The following DAB1 variants were observed in gnomAD, a reference collection of about 807,000 sequenced individuals.
The protein encoded by DAB1 is disabled homolog 1.
A neutral mutation model predicts 64.6 loss-of-function variants in DAB1; 15 were observed. That is an observed-to-expected ratio of 0.23 (90% CI 0.16 to 0.36). The LOEUF (loss-of-function observed/expected upper bound fraction) is 0.36. DAB1 is among the 10% of genes least tolerant of loss of function. DAB1 has a pLI of 1.00. For missense variants in DAB1, 596 were observed against 706.7 expected (o/e 0.84, Z 1.78); for synonymous variants, 235 against 251.9 (o/e 0.93, Z 0.64).
chr1:57,721,414 A>G (rs917523021), intron 6 of DAB1, among the ~76,000 whole-genome samples: 9 of 152,242 alleles, frequency 5.9e-5, no homozygotes, highest in Non-Finnish European at 8.8e-5. Flanking sequence ...CACCAAAAAC[A>G]TAGTTTACAC....
intron 6 of DAB1, among the ~76,000 whole-genome samples, chr1:57,810,683 G>C (rs1488957450): frequency 6.6e-6 from 1 of 152,090 alleles, no homozygotes; most frequent in South Asian, 2.1e-4. Context: ...CCAATACCAA[G>C]ATATGTTACC....
chr1:58,295,816 C>T lies in DAB1; in HGVS notation n.309+47536G>A, dbSNP rs374982852. Among the ~76,000 whole-genome samples the T allele has an allele frequency of 5.3e-5, 8 of 152,004 alleles. No homozygotes were observed. The South Asian group carries it at 6.2e-4, about 12-fold the overall frequency. On this transcript the variant is annotated intron_variant and non_coding_transcript_variant, in intron 4 of 20. Transcript: ENST00000485760. Reference sequence around the variant, plus strand: ...ATCAAAGGGGAGACAGTTGGCTGGGCGCAGTGGCTCATGCCTGTAATTCCA... The same window carrying T: ...ATCAAAGGGGAGACAGTTGGCTGGGTGCAGTGGCTCATGCCTGTAATTCCA...
At chr1:57,603,290 A>G (rs1645597394) in intron 7 of DAB1, among the ~76,000 whole-genome samples, 1 of 152,212 alleles carries the variant, frequency 6.6e-6, no homozygotes, top group Non-Finnish European at 1.5e-5. Flanking sequence ...TAGGTGGCAC[A>G]GTGCCTGTCA....
chr1:57,520,725 G>C (rs1297881994), intron 7 of DAB1, among the ~76,000 whole-genome samples: 1 of 151,906 alleles, frequency 6.6e-6, no homozygotes, highest in Non-Finnish European at 1.5e-5. Flanking sequence ...TCTTATTGAA[G>C]AGCTCACAAT....
intron 3 of DAB1, chr1:58,468,321 CTGTA>C (rs1323768741): frequency 1.3e-5 from 2 of 152,338 alleles, no homozygotes; most frequent in Non-Finnish European, 1.5e-5. Context: ...ATGTTACATA[CTGTA>C]TGTATCACTC....
intron 1 of DAB1, among the ~76,000 whole-genome samples, chr1:57,300,426 G>T (rs982649215): frequency 2.0e-4 from 30 of 152,302 alleles, no homozygotes; most frequent in African/African-American, 7.0e-4. Context: ...TAACAGGGGG[G>T]ATGCAGACGG....
chr1:57,950,705 A>G (rs1645259997), intron 5 of DAB1, among the ~76,000 whole-genome samples: 1 of 152,028 alleles, frequency 6.6e-6, no homozygotes, highest in Non-Finnish European at 1.5e-5. Flanking sequence ...CTGTCATCTG[A>G]TTATCTCCTA....
At chr1:58,530,312 G>A (rs1646415399) in intron 1 of DAB1, among the ~76,000 whole-genome samples, 1 of 152,154 alleles carries the variant, frequency 6.6e-6, no homozygotes, top group African/African-American at 2.4e-5. Context: ...CAGTGGCTGG[G>A]TTTTCTCTCT....
rs569161873 is a variant in DAB1, at chr1:57,540,112, A to T, written n.625+109480T>A. ...GCCAAGCTCTGGCCCACGATTTTTTAAAATTGTGGTATTACTTCCATCTAC... is the reference window on the plus strand; with the variant it reads ...GCCAAGCTCTGGCCCACGATTTTTTTAAATTGTGGTATTACTTCCATCTAC... On this transcript the variant is annotated intron_variant and non_coding_transcript_variant, in intron 7 of 20. Transcript: ENST00000485760. 4.8e-3 allele frequency among the ~76,000 whole-genome samples: 730 copies of T among 152,346 alleles called. 4 individuals are homozygous for T. The highest frequency in any genetic ancestry group is 8.7e-3 in the Non-Finnish European group (590 of 68,038).
At chr1:57,865,590 T>C (rs926179301) in intron 1 of DAB1, among the ~76,000 whole-genome samples, 11 of 152,302 alleles carry the variant, frequency 7.2e-5, no homozygotes, top group Non-Finnish European at 1.0e-4. Context: ...TCTTCATTAT[T>C]GGCTCTCTCC....
At chr1:57,749,344 A>G (rs1403860151) in intron 6 of DAB1, among the ~76,000 whole-genome samples, 1 of 152,252 alleles carries the variant, frequency 6.6e-6, no homozygotes, top group Non-Finnish European at 1.5e-5. Context: ...ACTGTAGACT[A>G]GTAGTCAGAA....
At chr1:57,510,634 T>C (rs1001402630) in intron 7 of DAB1, among the ~76,000 whole-genome samples, 6 of 152,194 alleles carry the variant, frequency 3.9e-5, no homozygotes, top group African/African-American at 1.4e-4. Context: ...TCTCCCACTC[T>C]TTCTCATCTC....
intron 5 of DAB1, among the ~76,000 whole-genome samples, chr1:58,144,294 A>C (rs2100720605): frequency 6.6e-6 from 1 of 152,318 alleles, no homozygotes; most frequent in South Asian, 2.1e-4. Flanking sequence ...TAAATATAAA[A>C]CCCAATTTTA....
chr1:58,109,217 G>A (rs558572012), intron 5 of DAB1, among the ~76,000 whole-genome samples: 14 of 152,294 alleles, frequency 9.2e-5, no homozygotes, highest in African/African-American at 3.4e-4. Flanking sequence ...ATAAATGAAA[G>A]GAATTTATGC....
intron 5 of DAB1, among the ~76,000 whole-genome samples, chr1:57,964,538 T>A (rs1015885778): frequency 6.6e-5 from 10 of 152,138 alleles, no homozygotes; most frequent in African/African-American, 2.4e-4. Context: ...AGAGAGTAAA[T>A]AAATGGATGA....
intron 4 of DAB1, among the ~76,000 whole-genome samples, chr1:57,136,089 T>G (rs371928315): frequency 6.6e-6 from 1 of 152,134 alleles, no homozygotes; most frequent in Non-Finnish European, 1.5e-5. Flanking sequence ...GATTTCTTTT[T>G]TAAGATTGAG....
chr1:57,303,361 G>A (rs1322770672), intron 1 of DAB1, among the ~76,000 whole-genome samples: 3 of 152,104 alleles, frequency 2.0e-5, no homozygotes, highest in Admixed American at 2.0e-4. Context: ...TCTGCCTTTC[G>A]CCCCAGTCCA....
chr1:57,367,725 G>T (rs1473303559), intron 1 of DAB1, among the ~76,000 whole-genome samples: 1 of 152,126 alleles, frequency 6.6e-6, no homozygotes, highest in Admixed American at 6.5e-5. Flanking sequence ...ACAAGTGGGA[G>T]CACTGTCCCT....
intron 2 of DAB1, among the ~76,000 whole-genome samples, chr1:57,178,978 C>T (rs971505819): frequency 1.3e-5 from 2 of 152,072 alleles, no homozygotes; most frequent in Non-Finnish European, 2.9e-5. Flanking sequence ...GCAATGGACT[C>T]ACTTAGGTTG....
Sources: allele counts gnomAD v4.1 joint callset (sites outside exome capture counted in the v4.1 genomes callset), GRCh38; gene constraint gnomAD v4.1.1; transcripts MANE v1.5; gene names NCBI Gene and HGNC (gene_info 2026-07-23, HGNC 2026-07-21).